SEMA4D: variants seen among roughly 807,000 people sequenced by gnomAD.
SEMA4D encodes semaphorin 4D.
A neutral mutation model predicts 74.8 loss-of-function variants in SEMA4D; 22 were observed. The ratio of observed to expected loss-of-function variants is 0.29; its 90% CI spans 0.21 to 0.42. The LOEUF is 0.42. Among genes scored for constraint, SEMA4D ranks in the 10% least tolerant of loss-of-function variants. The pLI, the probability that SEMA4D is intolerant of heterozygous loss-of-function variation, is 1.00. For synonymous variants in SEMA4D, 445 were observed against 463.7 expected, an observed-to-expected ratio of 0.96 and a Z score of 0.52; for missense variants, 937 against 1,118.4, an observed-to-expected ratio of 0.84 and a Z score of 2.31.
downstream of SEMA4D, chr9:89,377,101 C>T (rs749759838): frequency 4.7e-6 from 7 of 1,494,872 alleles, no homozygotes; most frequent in Non-Finnish European, 6.3e-6. Flanking sequence ...AAGAAGTCGC[C>T]AGGAGCACGT....
chr9:89,387,095 C>G, intron 12 of SEMA4D: 1 of 359,160 alleles, frequency 2.8e-6, no homozygotes. Flanking sequence ...GTGGGCACTG[C>G]CCCAACTCCT....
At chr9:89,409,432 G>T (rs1844035871) in intron 2 of SEMA4D, among the ~76,000 whole-genome samples, 1 of 152,146 alleles carries the variant, frequency 6.6e-6, no homozygotes, top group Non-Finnish European at 1.5e-5. Context: ...ACCTATGTGG[G>T]TTCACCGACT....
Position 89,381,142 on chromosome 9 carries a change from GA to G in SEMA4D, c.1619+31del. ...GTGTTATTCACCCACACACATGGGG[GA>G]CATCCCCAGGCAGCGCATCCCGCCC... On this transcript the variant is annotated intron_variant, in intron 14 of 15. Transcript: ENST00000422704. The surrounding 1 kb of genome is among the most constrained non-coding windows in gnomAD (Gnocchi z 4.6). 10 of 1,614,132 alleles carry G rather than the reference GA, an allele frequency of 6.2e-6. No homozygotes were observed. The highest frequency in any genetic ancestry group is 8.5e-6 in the Non-Finnish European group (10 of 1,180,026).
chr9:89,447,331 C>T (rs943807732), intron 2 of SEMA4D, among the ~76,000 whole-genome samples: 3 of 152,074 alleles, frequency 2.0e-5, no homozygotes, highest in East Asian at 1.9e-4. Context: ...GGCTTAGGTA[C>T]CCCACAGCCT....
intron 1 of SEMA4D, among the ~76,000 whole-genome samples, chr9:89,497,587 GC>G (rs1182655617): frequency 6.6e-6 from 1 of 151,554 alleles, no homozygotes; most frequent in African/African-American, 2.4e-5. Context: ...GCTCCCCCGC[GC>G]CCAGAGGAGC....
At chr9:89,421,808 TGTGTGTGTGG>T (rs1847023485) in intron 2 of SEMA4D, among the ~76,000 whole-genome samples, 1 of 151,930 alleles carries the variant, frequency 6.6e-6, no homozygotes. Flanking sequence ...TGCGTGTGTG[TGTGTGTGTGG>T]GTGTGCACAC....
intron 6 of SEMA4D, among the ~76,000 whole-genome samples, chr9:89,394,853 A>G (rs549752979): frequency 6.6e-6 from 1 of 152,258 alleles, no homozygotes; most frequent in Non-Finnish European, 1.5e-5. Flanking sequence ...AGACTGGATG[A>G]TGCTGGGGAA....
chr9:89,360,886 T>A (rs756406588), exon 19 of SEMA4D: 2 of 152,194 alleles, frequency 1.3e-5, no homozygotes, highest in Admixed American at 6.5e-5. Context: ...CACTCCACAT[T>A]ACGAAAACTT....
chr9:89,479,925 A>C (rs1282760460), intron 1 of SEMA4D: 1 of 152,130 alleles, frequency 6.6e-6, no homozygotes. Context: ...TTATTCTCTT[A>C]TCTGGCCCCA....
chr9:89,382,575 G>A (rs547079592), intron 13 of SEMA4D, among the ~76,000 whole-genome samples: 2 of 152,300 alleles, frequency 1.3e-5, no homozygotes, highest in East Asian at 1.9e-4. Context: ...GCCCGCCGCT[G>A]GCCTCACAGC....
chr9:89,371,667 T>A (rs1834869688), intron 16 of SEMA4D, among the ~76,000 whole-genome samples: 1 of 81,524 alleles, frequency 1.2e-5, no homozygotes, highest in African/African-American at 5.5e-5. Context: ...GTGTGGTGTG[T>A]GTCTGGGGTG....
chr9:89,384,595 T>C lies in SEMA4D; in HGVS notation c.1446+1772A>G, dbSNP rs551513115. The C allele has an allele frequency of 2.9e-5, 26 of 911,570 alleles. No homozygotes were observed. The East Asian group carries it at 2.7e-3, about 95-fold the overall frequency. 56.5% of individuals were successfully genotyped at this position (911,570 alleles called of 1,614,324 possible). On this transcript the variant is annotated intron_variant, in intron 13 of 15. Transcript: ENST00000422704. ...TGCAAAACAACGTGAATGTTCTTAA[T>C]GCCACTGACGTGCACAATGAAAAAT... is the stretch of plus-strand genomic sequence containing the variant.
chr9:89,492,244 G>A lies in SEMA4D; in HGVS notation c.-310+5675C>T. Among the ~76,000 whole-genome samples the A allele has an allele frequency of 6.6e-6, 1 of 152,092 alleles. No homozygotes were observed. The highest frequency in any genetic ancestry group is 2.1e-4 in the South Asian group (1 of 4,826). ...GGTTCTCACCTTCGTGACCTCCGCTGTCACCCTCCCTCTCATGCAAGCTGC... is the reference window on the plus strand; with the variant it reads ...GGTTCTCACCTTCGTGACCTCCGCTATCACCCTCCCTCTCATGCAAGCTGC... On this transcript the variant is annotated intron_variant, in intron 1 of 15. Coordinates refer to ENST00000422704, the MANE Select transcript of SEMA4D (RefSeq NM_001371194.2). The surrounding 1 kb of genome is among the most constrained non-coding windows in gnomAD (Gnocchi z 4.3).
intron 2 of SEMA4D, among the ~76,000 whole-genome samples, chr9:89,429,173 TCTC>T (rs1318044256): frequency 1.3e-5 from 2 of 152,096 alleles, no homozygotes; most frequent in Non-Finnish European, 2.9e-5. Context: ...GTAGCCTGGC[TCTC>T]CTAACCTCCC....
At chr9:89,489,592 A>T (rs1825467996) in intron 1 of SEMA4D, among the ~76,000 whole-genome samples, 2 of 152,256 alleles carry the variant, frequency 1.3e-5, no homozygotes, top group South Asian at 4.1e-4. Flanking sequence ...TCAATGAAAT[A>T]ATACAATATG....
intron 2 of SEMA4D, among the ~76,000 whole-genome samples, chr9:89,432,261 TATAAGTGTACTACCACAGAATGG>T (rs1448622027): frequency 6.6e-6 from 1 of 152,242 alleles, no homozygotes; most frequent in Non-Finnish European, 1.5e-5. Context: ...AGTAGTATTA[TATAAGTGTACTACCACAGAATGG>T]ATTGGGTCAT....
At chr9:89,369,982 T>G (rs1198703865) in intron 16 of SEMA4D, among the ~76,000 whole-genome samples, 1 of 151,804 alleles carries the variant, frequency 6.6e-6, no homozygotes, top group Non-Finnish European at 1.5e-5. Flanking sequence ...TGTGTGGTGG[T>G]GTGTGTGTAA....
chr9:89,387,437 G>A lies in SEMA4D; in HGVS notation c.1279C>T (p.Arg427Trp), dbSNP rs764518009. The change falls in exon 12 of 16, where the codon CGG (arginine) becomes TGG (tryptophan). Residue 427 changes from arginine to tryptophan, a missense_variant. Transcript: ENST00000422704. ...ACAGTCCCATCCAGGGCCTGGGTCC[G>A]GTCCACCACGATCTGGGTGTAGTTC... ...DVNYTQIVVD[R>W]TQALDGTVYD... 8.1e-6 allele frequency: 13 copies of A among 1,614,198 alleles called. No individual in the cohort carries two copies. Among genetic ancestry groups the A allele is most frequent in the South Asian group, 4.4e-5 (4 of 91,084 alleles).
chr9:89,367,639 T>C (rs1833889844), intron 16 of SEMA4D: 1 of 152,250 alleles, frequency 6.6e-6, no homozygotes, highest in Non-Finnish European at 1.5e-5. Flanking sequence ...GGACAGATAT[T>C]TCCCCCTGGC....
Sources: gnomAD v4.1 joint callset for allele counts (sites outside exome capture counted in the v4.1 genomes callset) on GRCh38, gnomAD v4.1.1 for gene constraint, Gnocchi (gnomAD v3.1) non-coding constraint, MANE v1.5 for transcripts, NCBI Gene and HGNC (gene_info 2026-07-23, HGNC 2026-07-21) for gene names.